CECR2: variants seen among roughly 807,000 people sequenced by gnomAD.
CECR2 encodes chromatin remodeling regulator CECR2.
In CECR2, 30 loss-of-function variants were observed where a neutral mutation model predicts 154.5. The ratio of observed to expected loss-of-function variants is 0.19; its 90% CI spans 0.15 to 0.26. The LOEUF is 0.26. CECR2 is among the 10% of genes least tolerant of loss of function. The probability of loss-of-function intolerance (pLI) is 1.00; values close to 1 mark genes in which losing one functional copy is unlikely to be tolerated. For missense variants in CECR2, 1,743 were observed against 1,829.3 expected, an observed-to-expected ratio of 0.95 and a Z score of 0.86; for synonymous variants, 725 against 683.7, an observed-to-expected ratio of 1.06 and a Z score of -0.94.
intron 1 of CECR2, among the ~76,000 whole-genome samples, chr22:17,398,689 G>A (rs984206990): frequency 6.6e-6 from 1 of 152,100 alleles, no homozygotes; most frequent in African/African-American, 2.4e-5. Flanking sequence ...TGGAGTTAAC[G>A]TGAGAATTAA....
intron 1 of CECR2, among the ~76,000 whole-genome samples, chr22:17,414,118 GCC>G (rs1451960444): frequency 4.6e-5 from 7 of 151,946 alleles, no homozygotes; most frequent in African/African-American, 7.3e-5. Context: ...GACTACAGGT[GCC>G]TGCCACCACG....
intron 2 of CECR2, among the ~76,000 whole-genome samples, chr22:17,484,085 C>T (rs2055377454): frequency 6.6e-6 from 1 of 152,192 alleles, no homozygotes; most frequent in African/African-American, 2.4e-5. Flanking sequence ...GTAGTAGGCT[C>T]TACCATCTAG....
chr22:17,551,459 A>C (rs771535959), intron 17 of CECR2, among the ~76,000 whole-genome samples: 11 of 152,192 alleles, frequency 7.2e-5, no homozygotes, highest in Non-Finnish European at 1.6e-4. Context: ...AGTCCAGGCC[A>C]GTTATCATGG....
At chr22:17,539,937 G>T (rs1163093291) in intron 13 of CECR2, among the ~76,000 whole-genome samples, 1 of 152,094 alleles carries the variant, frequency 6.6e-6, no homozygotes, top group Non-Finnish European at 1.5e-5. Flanking sequence ...GGGCTCAAGG[G>T]ATCCTCCTCC....
intron 1 of CECR2, among the ~76,000 whole-genome samples, chr22:17,409,134 G>T (rs371317600): frequency 5.9e-4 from 88 of 149,476 alleles, no homozygotes; most frequent in South Asian, 1.5e-3. Flanking sequence ...GTTTTTTTTT[G>T]TTTGTTTGTT....
At chr22:17,541,665 T>A (rs1047435418) in intron 14 of CECR2, among the ~76,000 whole-genome samples, 174 bp from the exon 15 acceptor site, 3 of 152,212 alleles carry the variant, frequency 2.0e-5, no homozygotes. Context: ...TTCAGGCTCA[T>A]AGGCAAGCCC....
chr22:17,528,636 A>G (rs2056304015), intron 9 of CECR2, among the ~76,000 whole-genome samples: 1 of 152,050 alleles, frequency 6.6e-6, no homozygotes, highest in Non-Finnish European at 1.5e-5. Context: ...CTCAGGTTCA[A>G]GTGATTACCA....
intron 1 of CECR2, among the ~76,000 whole-genome samples, chr22:17,408,912 T>C (rs1256866801): frequency 6.6e-6 from 1 of 152,178 alleles, no homozygotes; most frequent in Non-Finnish European, 1.5e-5. Flanking sequence ...TTTCTGCATC[T>C]TCTACCTTCC....
intron 9 of CECR2, among the ~76,000 whole-genome samples, chr22:17,536,755 C>T (rs2056443516): frequency 1.3e-5 from 2 of 151,998 alleles, no homozygotes; most frequent in African/African-American, 4.8e-5. Context: ...AGAAGATAGT[C>T]CTCATTCAAC....
intron 7 of CECR2, among the ~76,000 whole-genome samples, chr22:17,509,239 A>AG (rs2055898257): frequency 6.6e-6 from 1 of 152,064 alleles, no homozygotes; most frequent in African/African-American, 2.4e-5. Flanking sequence ...CGACAGATGG[A>AG]GAAAAAAAAA....
chr22:17,456,159 A>G (rs1342757251), intron 1 of CECR2, among the ~76,000 whole-genome samples: 1 of 152,226 alleles, frequency 6.6e-6, no homozygotes, highest in Admixed American at 6.5e-5. Context: ...CAACACACTG[A>G]ATAGTCTACT....
intron 9 of CECR2, among the ~76,000 whole-genome samples, chr22:17,529,253 G>C (rs2056314602): frequency 6.6e-6 from 1 of 152,128 alleles, no homozygotes; most frequent in Non-Finnish European, 1.5e-5. Flanking sequence ...TGCAGCGGAG[G>C]GGAGCAAAGC....
chr22:17,509,559 A>T (rs1324795615), intron 7 of CECR2, among the ~76,000 whole-genome samples: 1 of 151,914 alleles, frequency 6.6e-6, no homozygotes, highest in African/African-American at 2.4e-5. Context: ...CCTCCTGAGT[A>T]CCTGGACTAT....
chr22:17,546,443 G>A (rs1198756350), intron 16 of CECR2, among the ~76,000 whole-genome samples: 5 of 134,354 alleles, frequency 3.7e-5, no homozygotes, highest in Admixed American at 1.6e-4. Flanking sequence ...CCGAGATCGC[G>A]CCACTGCACT....
At chr22:17,423,686 C>G (rs1330266494) in intron 1 of CECR2, among the ~76,000 whole-genome samples, 1 of 152,092 alleles carries the variant, frequency 6.6e-6, no homozygotes. Flanking sequence ...GTGGGTTCCC[C>G]TGGAGTTTTT....
At position 17,414,516 on chromosome 22, in the gene CECR2, A is replaced by AT. The variant is rs1209238902; in HGVS notation, c.126+44616dup. On this transcript the variant is annotated intron_variant, in intron 1 of 18. Coordinates refer to ENST00000262608, the MANE Select transcript of CECR2 (RefSeq NM_001290047.2). ...TATCAGTTTTCTTTTTTTTTTCCTGATTTTTTTTTATTATTATACTTTAAG... is the reference window on the plus strand; with the variant it reads ...TATCAGTTTTCTTTTTTTTTTCCTGATTTTTTTTTTATTATTATACTTTAAG... 1.5e-3 allele frequency among the ~76,000 whole-genome samples: 117 copies of AT among 78,216 alleles called. 1 individual carries two copies. Among genetic ancestry groups the AT allele is most frequent in the South Asian group, 7.1e-3 (19 of 2,658 alleles). The allele number at this position is 78,216 out of a possible 152,430, so 51.3% of individuals were successfully genotyped here.
intron 12 of CECR2, 39 bp from the exon 13 acceptor site, chr22:17,538,954 A>G (rs2056479509): frequency 3.7e-6 from 6 of 1,600,448 alleles, no homozygotes; most frequent in African/African-American, 1.3e-5. Context: ...GTTTGCTCTC[A>G]GCATATTTTA....
At chr22:17,528,601 T>C (rs1390682991) in intron 9 of CECR2, among the ~76,000 whole-genome samples, 4 of 152,154 alleles carry the variant, frequency 2.6e-5, no homozygotes, top group Non-Finnish European at 5.9e-5. Flanking sequence ...AGTGGCATGA[T>C]CTGGTCTCAC....
intron 11 of CECR2, 38 bp from the exon 12 acceptor site, chr22:17,538,602 C>T: frequency 1.2e-6 from 2 of 1,613,320 alleles, no homozygotes; most frequent in Non-Finnish European, 1.7e-6. Flanking sequence ...AGAAGTTTTC[C>T]TCTGTGAGTG....
Sources: gnomAD v4.1 joint callset for allele counts (sites outside exome capture counted in the v4.1 genomes callset) on GRCh38, gnomAD v4.1.1 for gene constraint, MANE v1.5 for transcripts, NCBI Gene and HGNC (gene_info 2026-07-23, HGNC 2026-07-21) for gene names.